Variants in ZMAT4 observed in about 807,000 individuals in gnomAD.
The protein encoded by ZMAT4 is zinc finger matrin-type protein 4.
Under a neutral mutation model 28.7 loss-of-function variants are expected in ZMAT4, and 17 were observed. The observed-to-expected ratio is 0.59, with a 90% CI of 0.41 to 0.89. The LOEUF (loss-of-function observed/expected upper bound fraction) is 0.89, where lower values mean the gene tolerates loss of function less well. Ranked by LOEUF, ZMAT4 falls within the 40% of genes least tolerant of loss-of-function variation. The probability of loss-of-function intolerance (pLI) is 0.00; values close to 1 mark genes in which losing one functional copy is unlikely to be tolerated. For missense variants in ZMAT4, 240 were observed against 283.8 expected, an observed-to-expected ratio of 0.85 and a Z score of 1.11; for synonymous variants, 117 against 109.2, an observed-to-expected ratio of 1.07 and a Z score of -0.44.
rs1439623235 is a variant in ZMAT4, at chr8:40,724,059, T to G, written c.193-26658A>C. Among the ~76,000 whole-genome samples the G allele has an allele frequency of 2.0e-5, 3 of 151,798 alleles. No homozygotes were observed. In the East Asian group the frequency reaches 5.8e-4, roughly 29 times the overall value. On this transcript the variant is annotated intron_variant, in intron 3 of 6. Coordinates refer to ENST00000297737, the MANE Select transcript of ZMAT4 (RefSeq NM_024645.3). The stretch of plus-strand genomic sequence containing the variant: ...CAACTCTGCTTAGTTTATGTGAGGT[T>G]TTTTTTTTCTTTTCTTGTCCTTTGG...
intron 4 of ZMAT4, among the ~76,000 whole-genome samples, chr8:40,683,449 A>C (rs530712633): frequency 1.2e-4 from 19 of 152,340 alleles, no homozygotes; most frequent in South Asian, 1.2e-3. Context: ...AGTCATAGGA[A>C]ATCTGTAAGG....
At chr8:40,639,516 G>A (rs1333172458) in intron 5 of ZMAT4, among the ~76,000 whole-genome samples, 1 of 152,014 alleles carries the variant, frequency 6.6e-6, no homozygotes, top group Non-Finnish European at 1.5e-5. Context: ...AGAATAGAAA[G>A]ACAAAAATCT....
At chr8:40,581,783 G>A (rs2599679) in intron 5 of ZMAT4, among the ~76,000 whole-genome samples, 78,464 of 152,072 alleles carry the variant, frequency 0.52, 20,885 homozygotes, top group Middle Eastern at 0.58. Flanking sequence ...GAAGTCTTAC[G>A]TTCCACCAGA....
chr8:40,661,839 G>C (rs1477864782), intron 5 of ZMAT4, among the ~76,000 whole-genome samples: 1 of 152,198 alleles, frequency 6.6e-6, no homozygotes, highest in African/African-American at 2.4e-5. Context: ...CTAAACAATA[G>C]AGATATTTAG....
At chr8:40,725,932 T>G (rs1025747122) in intron 3 of ZMAT4, among the ~76,000 whole-genome samples, 1 of 152,256 alleles carries the variant, frequency 6.6e-6, no homozygotes, top group Non-Finnish European at 1.5e-5. Context: ...ATAATTTTTA[T>G]CATCGGACCA....
At chr8:40,540,516 T>C (rs1185257168) in intron 6 of ZMAT4, among the ~76,000 whole-genome samples, 3 of 152,172 alleles carry the variant, frequency 2.0e-5, no homozygotes, top group Admixed American at 6.5e-5. Context: ...ATATACATCT[T>C]GTCATTTGGT....
At chr8:40,601,563 G>GA (rs771907752) in intron 5 of ZMAT4, among the ~76,000 whole-genome samples, 18 of 118,474 alleles carry the variant, frequency 1.5e-4, no homozygotes, top group Non-Finnish European at 1.9e-4. Context: ...AAGAAAGAAA[G>GA]AAGAAAGAAA....
intron 6 of ZMAT4, among the ~76,000 whole-genome samples, chr8:40,563,555 A>T (rs1408745386): frequency 6.6e-6 from 1 of 152,190 alleles, no homozygotes; most frequent in Non-Finnish European, 1.5e-5. Flanking sequence ...TAACAGATGC[A>T]ATTCATCTTC....
At chr8:40,699,090 T>A (rs750243485) in intron 3 of ZMAT4, among the ~76,000 whole-genome samples, 1 of 152,024 alleles carries the variant, frequency 6.6e-6, no homozygotes, top group African/African-American at 2.4e-5. Flanking sequence ...AGGGGCAGGG[T>A]TGGCTTCCTG....
At chr8:40,667,849 C>CA (rs1808492624) in intron 5 of ZMAT4, among the ~76,000 whole-genome samples, 1 of 122,074 alleles carries the variant, frequency 8.2e-6, no homozygotes, top group African/African-American at 3.0e-5. Flanking sequence ...AAAAAAAAAA[C>CA]AACAAAAAAA....
intron 5 of ZMAT4, among the ~76,000 whole-genome samples, chr8:40,601,636 GAA>G (rs1563360814): frequency 4.6e-5 from 1 of 21,824 alleles, no homozygotes; most frequent in African/African-American, 1.2e-4. Context: ...GAAAGAAAGA[GAA>G]AGAAAGAAAG....
intron 1 of ZMAT4, among the ~76,000 whole-genome samples, chr8:40,832,365 C>A (rs967291731): frequency 7.9e-5 from 12 of 152,142 alleles, no homozygotes; most frequent in African/African-American, 2.9e-4. Flanking sequence ...TCTGCTTCTG[C>A]CTGCACAACC....
chr8:40,612,935 C>T (rs1805853929), intron 5 of ZMAT4, among the ~76,000 whole-genome samples: 1 of 151,486 alleles, frequency 6.6e-6, no homozygotes, highest in Non-Finnish European at 1.5e-5. Context: ...GCCTCAGCCT[C>T]CTAAGTAGCT....
At chr8:40,850,280 C>T (rs1817054589) in intron 1 of ZMAT4, among the ~76,000 whole-genome samples, 1 of 152,146 alleles carries the variant, frequency 6.6e-6, no homozygotes, top group Admixed American at 6.5e-5. Context: ...CCCACCCAAT[C>T]TGCACCCTGC....
chr8:40,588,485 A>G (rs997362891), intron 5 of ZMAT4, among the ~76,000 whole-genome samples: 2 of 152,148 alleles, frequency 1.3e-5, no homozygotes, highest in African/African-American at 2.4e-5. Context: ...TGTATCATAA[A>G]AGAAGACATA....
In ZMAT4 at chr8:40,624,166, G is replaced by A. The variant is rs144229776; in HGVS notation, c.578-42905C>T. Among the ~76,000 whole-genome samples the A allele has an allele frequency of 3.8e-3, 572 of 152,324 alleles. 1 individual carries two copies. Among genetic ancestry groups the A allele is most frequent in the Middle Eastern group, 0.01 (3 of 294 alleles). ...CAATGCTAATGCAACTATATTTGGA[G>A]ATAGTCTTTAGGAGGTAATTAAGGT... On this transcript the variant is annotated intron_variant, in intron 5 of 6. Coordinates refer to ENST00000297737, the MANE Select transcript of ZMAT4 (RefSeq NM_024645.3).
chr8:40,862,627 A>T (rs916334456), intron 1 of ZMAT4, among the ~76,000 whole-genome samples: 5 of 148,938 alleles, frequency 3.4e-5, no homozygotes, highest in Non-Finnish European at 7.4e-5. Context: ...TACACCATGG[A>T]ATACTATGCA....
chr8:40,702,832 G>A (rs1162933872), intron 3 of ZMAT4, among the ~76,000 whole-genome samples: 1 of 152,136 alleles, frequency 6.6e-6, no homozygotes, highest in Non-Finnish European at 1.5e-5. Context: ...CATCCAGAAG[G>A]AGAGAGAGAA....
At chr8:40,581,375 C>G in intron 5 of ZMAT4, 114 bp from the exon 6 acceptor site, 1 of 753,740 alleles carries the variant, frequency 1.3e-6, no homozygotes, top group Non-Finnish European at 2.3e-6. Flanking sequence ...CCTGATCTAC[C>G]CCACCAACAC....
Sources: allele counts gnomAD v4.1 joint callset (sites outside exome capture counted in the v4.1 genomes callset), GRCh38; gene constraint gnomAD v4.1.1; transcripts MANE v1.5; gene names NCBI Gene and HGNC (gene_info 2026-07-23, HGNC 2026-07-21).